Variants in MIGA2 observed in about 807,000 individuals in gnomAD.
MIGA2 encodes the protein mitoguardin 2.
MIGA2 carries 36 observed loss-of-function variants against 69.9 expected under a neutral mutation model. The ratio of observed to expected loss-of-function variants is 0.52; its 90% CI spans 0.39 to 0.68. MIGA2 has a LOEUF of 0.68. MIGA2 is among the 30% of genes least tolerant of loss of function. The probability of loss-of-function intolerance (pLI) is 0.00; values close to 1 mark genes in which losing one functional copy is unlikely to be tolerated. For missense variants in MIGA2, 660 were observed against 787.7 expected (o/e 0.84, Z 1.94); for synonymous variants, 333 against 349.2 (o/e 0.95, Z 0.52).
chr9:129,048,641 C>A, intron 4 of MIGA2, 102 bp downstream of exon 4: 1 of 866,660 alleles, frequency 1.2e-6, no homozygotes, highest in South Asian at 1.5e-5. Context: ...TCCATTCATT[C>A]ATTCTCTCTC....
chr9:129,050,335 C>T (rs1199385037), intron 6 of MIGA2, among the ~76,000 whole-genome samples: 6 of 152,180 alleles, frequency 3.9e-5, no homozygotes, highest in South Asian at 4.1e-4. Context: ...AGTGCAGTGG[C>T]GCAATCTTGG....
intron 11 of MIGA2, among the ~76,000 whole-genome samples, chr9:129,064,014 T>C (rs1343828133): frequency 6.6e-6 from 1 of 152,078 alleles, no homozygotes; most frequent in Non-Finnish European, 1.5e-5. Context: ...CTTCTACTGC[T>C]CTCTTGTGAG....
chr9:129,061,476 C>A lies in MIGA2; in HGVS notation c.1010+130C>A. ...GAGTGAGTCCAGGCTGCCTGAGGGCCGTGGTGAGCTGGTGACAGCTCCTCC... is the reference window on the plus strand; with the variant it reads ...GAGTGAGTCCAGGCTGCCTGAGGGCAGTGGTGAGCTGGTGACAGCTCCTCC... On this transcript the variant is annotated intron_variant, in intron 9 of 15. Coordinates refer to ENST00000684074, the MANE Select transcript of MIGA2 (RefSeq NM_001329990.2). The surrounding 1 kb of genome is among the most constrained non-coding windows in gnomAD (Gnocchi z 5.0). 2.6e-6 allele frequency: 2 copies of A among 775,946 alleles called. No homozygotes were observed. The highest frequency in any genetic ancestry group is 4.1e-6 in the Non-Finnish European group (2 of 482,798). 48.1% of individuals were successfully genotyped at this position (775,946 alleles called of 1,614,324 possible). A position where few individuals can be genotyped will look rare whatever the true frequency, so the allele number is the denominator to read the frequency against.
chr9:129,064,212 C>CT (rs566804911), intron 11 of MIGA2, among the ~76,000 whole-genome samples: 139 of 145,768 alleles, frequency 9.5e-4, no homozygotes, highest in African/African-American at 1.5e-3. Context: ...ATTTTTTCGT[C>CT]TTTTTTTTTT....
chr9:129,039,202 TGTGTGTGTGTGTG>T (rs1417735824), intron 1 of MIGA2, among the ~76,000 whole-genome samples: 3 of 151,584 alleles, frequency 2.0e-5, no homozygotes, highest in Non-Finnish European at 2.9e-5. Flanking sequence ...TGTGTGTGTG[TGTGTGTGTGTGTG>T]TGTGTTTTAT....
At position 129,068,061 on chromosome 9, in the gene MIGA2, C is replaced by A; in HGVS notation, c.1270-137C>A. On this transcript the variant is annotated intron_variant, in intron 12 of 15. Transcript: ENST00000684074. This position sits in a 1 kb window ranked among gnomAD's most constrained non-coding sequence, Gnocchi z 4.1. ...AATGGCCTCAGCTACACCCGTTGCA[C>A]AGCAGAGCGGGAAAGACGTGTCCCC... The A allele has an allele frequency of 7.3e-7, 1 of 1,369,156 alleles. No homozygotes were observed. Among genetic ancestry groups the A allele is most frequent in the South Asian group, 1.2e-5 (1 of 82,418 alleles). The allele number at this position is 1,369,156 out of a possible 1,614,324, so 84.8% of individuals were successfully genotyped here.
rs1203539126 is a variant in MIGA2, at chr9:129,040,484, C to G, written c.-111C>G. The G allele has an allele frequency of 3.9e-5, 57 of 1,459,794 alleles. No individual in the cohort carries two copies. Among genetic ancestry groups the G allele is most frequent in the Non-Finnish European group, 5.1e-5 (56 of 1,095,156 alleles). 90.4% of individuals were successfully genotyped at this position (1,459,794 alleles called of 1,614,324 possible). A position where few individuals can be genotyped will look rare whatever the true frequency, so the allele number is the denominator to read the frequency against. ...GAGGGGCCCTCTGGTATGTGTGTCC[C>G]TGTCCTTCTGGGGCGTGGATGGTGC... On this transcript the variant is annotated 5_prime_UTR_variant, in exon 2 of 16. Coordinates refer to ENST00000684074, the MANE Select transcript of MIGA2 (RefSeq NM_001329990.2).
chr9:129,058,496 C>CTTTTTTT (rs892590575), intron 6 of MIGA2, among the ~76,000 whole-genome samples: 26 of 117,508 alleles, frequency 2.2e-4, no homozygotes, highest in Admixed American at 3.5e-4. Context: ...TTCTTTCTTT[C>CTTTTTTT]TTTTTTTTTT....
rs376395176 is a variant in MIGA2 at position 129,063,197 on chromosome 9, C to T, written c.1011-47C>T. On this transcript the variant is annotated intron_variant, in intron 9 of 15. Coordinates refer to ENST00000684074, the MANE Select transcript of MIGA2 (RefSeq NM_001329990.2). Reference sequence around the variant, plus strand: ...GGTGCCACCTGACCCCCCGGGGCATCGCTGGGCAGGGACCAGGTTGTGTGA... The same window carrying T: ...GGTGCCACCTGACCCCCCGGGGCATTGCTGGGCAGGGACCAGGTTGTGTGA... The T allele has an allele frequency of 3.1e-5, 49 of 1,606,468 alleles. 2 individuals are homozygous for T. The highest frequency in any genetic ancestry group is 2.5e-4 in the Admixed American group (15 of 59,852).
intron 3 of MIGA2, among the ~76,000 whole-genome samples, chr9:129,047,753 AGGG>A (rs1564604683): frequency 3.3e-5 from 5 of 151,766 alleles, no homozygotes; most frequent in African/African-American, 1.2e-4. Context: ...TATTTGAGAC[AGGG>A]TCTCACTCTG....
At chr9:129,057,612 T>G (rs1446590221) in intron 6 of MIGA2, among the ~76,000 whole-genome samples, 1 of 151,304 alleles carries the variant, frequency 6.6e-6, no homozygotes, top group Admixed American at 6.6e-5. Context: ...TTTCATTTAT[T>G]TATTTATTTT....
Position 129,067,975 on chromosome 9 carries a change from G to A in MIGA2, c.1269+104G>A, listed in dbSNP as rs559098287. The stretch of plus-strand genomic sequence containing the variant: ...TAGCTCAGTTCCAAGCGGCTGAGAC[G>A]GTTCCATCACTGCTCATAGTCCCCG... On this transcript the variant is annotated intron_variant, in intron 12 of 15. Coordinates refer to ENST00000684074, the MANE Select transcript of MIGA2 (RefSeq NM_001329990.2). The A allele has an allele frequency of 1.3e-4, 185 of 1,375,330 alleles. 5 individuals carry two copies. In the South Asian group the frequency reaches 2.1e-3, roughly 16 times the overall value. The allele number at this position is 1,375,330 out of a possible 1,614,324, so 85.2% of individuals were successfully genotyped here. A position where few individuals can be genotyped will look rare whatever the true frequency, so the allele number is the denominator to read the frequency against.
intron 6 of MIGA2, among the ~76,000 whole-genome samples, chr9:129,051,621 A>T (rs1196026790): frequency 1.4e-5 from 2 of 146,574 alleles, no homozygotes; most frequent in South Asian, 4.3e-4. Context: ...TTTAAGACGG[A>T]GTCTTGCTCT....
At position 129,069,299 on chromosome 9, in the gene MIGA2, C is replaced by A; in HGVS notation, c.1458+170C>A. ...CTGTGCCAGGAGCTCCCTGGAGGCT[C>A]GTGTAGACCCACTTCCTCTCCTCCC... On this transcript the variant is annotated intron_variant, in intron 14 of 15. Coordinates refer to ENST00000684074, the MANE Select transcript of MIGA2 (RefSeq NM_001329990.2). This position sits in a 1 kb window ranked among gnomAD's most constrained non-coding sequence, Gnocchi z 4.9. The A allele has an allele frequency of 1.3e-6, 1 of 753,310 alleles. No homozygotes were observed. 46.7% of individuals were successfully genotyped at this position (753,310 alleles called of 1,614,324 possible). A position where few individuals can be genotyped will look rare whatever the true frequency, so the allele number is the denominator to read the frequency against.
At chr9:129,048,700 C>T (rs1444300643) in intron 4 of MIGA2, among the ~76,000 whole-genome samples, 161 bp downstream of exon 4, 1 of 152,206 alleles carries the variant, frequency 6.6e-6, no homozygotes, top group Admixed American at 6.6e-5. Flanking sequence ...TAATCACTCA[C>T]TGTGCCAGGT....
Position 129,061,206 on chromosome 9 carries a change from T to G in MIGA2, c.895-25T>G. On this transcript the variant is annotated intron_variant, in intron 8 of 15. Coordinates refer to ENST00000684074, the MANE Select transcript of MIGA2 (RefSeq NM_001329990.2). This position sits in a 1 kb window ranked among gnomAD's most constrained non-coding sequence, Gnocchi z 5.0. ...GTGCTGCTCACATGGGCTTCCCTGG[T>G]CTCTTCCTCTGCACCCTCTCCCAGC... The G allele has an allele frequency of 6.3e-7, 1 of 1,592,542 alleles. No individual in the cohort carries two copies. Among genetic ancestry groups the G allele is most frequent in the South Asian group, 1.1e-5 (1 of 88,828 alleles).
intron 6 of MIGA2, among the ~76,000 whole-genome samples, chr9:129,053,866 C>A (rs1845670729): frequency 6.6e-6 from 1 of 151,682 alleles, no homozygotes; most frequent in South Asian, 2.1e-4. Context: ...ACTCTGCTGC[C>A]CAGGCTGGAG....
chr9:129,060,373 A>G lies in MIGA2; in HGVS notation c.794-177A>G. ...AAGGAGGTCACTCACTGAGGCGAGG[A>G]GTCCAGCGTCCTCACACAGAAGCGC... On this transcript the variant is annotated intron_variant, in intron 7 of 15. Transcript: ENST00000684074. This position sits in a 1 kb window ranked among gnomAD's most constrained non-coding sequence, Gnocchi z 4.8. 1.8e-6 allele frequency: 1 copy of G among 558,510 alleles called. No individual in the cohort carries two copies. The highest frequency in any genetic ancestry group is 3.1e-5 in the East Asian group (1 of 31,942). 34.6% of individuals were successfully genotyped at this position (558,510 alleles called of 1,614,324 possible).
intron 2 of MIGA2, among the ~76,000 whole-genome samples, chr9:129,040,952 A>C (rs1450769182): frequency 6.6e-6 from 1 of 152,094 alleles, no homozygotes; most frequent in African/African-American, 2.4e-5. Flanking sequence ...GCACTTTGGG[A>C]GGCCGGGACG....
Sources: gnomAD v4.1 joint callset for allele counts (sites outside exome capture counted in the v4.1 genomes callset) on GRCh38, gnomAD v4.1.1 for gene constraint, Gnocchi (gnomAD v3.1) non-coding constraint, MANE v1.5 for transcripts, NCBI Gene and HGNC (gene_info 2026-07-23, HGNC 2026-07-21) for gene names.